The following COL11A1 variants were observed in gnomAD, a reference collection of about 807,000 sequenced individuals.
COL11A1 encodes the protein collagen type XI alpha 1 chain.
COL11A1 carries 74 observed loss-of-function variants against 265.2 expected under a neutral mutation model. That is an observed-to-expected ratio of 0.28 (90% CI 0.23 to 0.34). The LOEUF is 0.34. Among genes scored for constraint, COL11A1 ranks in the 10% least tolerant of loss-of-function variants. The probability of loss-of-function intolerance (pLI) is 1.00; values close to 1 mark genes in which losing one functional copy is unlikely to be tolerated. For missense variants in COL11A1, 2,165 were observed against 2,263.6 expected, an observed-to-expected ratio of 0.96 and a Z score of 0.88; for synonymous variants, 816 against 727.6, an observed-to-expected ratio of 1.12 and a Z score of -1.96.
At chr1:102,990,993 G>A (rs1431660217) in intron 28 of COL11A1, among the ~76,000 whole-genome samples, 4 of 151,898 alleles carry the variant, frequency 2.6e-5, no homozygotes, top group Admixed American at 6.6e-5. Flanking sequence ...AGATCACTCC[G>A]CTGCACTCCA....
At chr1:103,021,213 G>C (rs1364738463) in intron 9 of COL11A1, among the ~76,000 whole-genome samples, 1 of 151,156 alleles carries the variant, frequency 6.6e-6, no homozygotes, top group Non-Finnish European at 1.5e-5. Context: ...GATTAATTTG[G>C]AGTGAATTAG....
chr1:103,007,617 G>A (rs926958081), intron 15 of COL11A1, among the ~76,000 whole-genome samples: 7 of 151,922 alleles, frequency 4.6e-5, no homozygotes, highest in Admixed American at 1.3e-4. Context: ...TAGCACTTTC[G>A]GAGGCCCAGG....
intron 6 of COL11A1, chr1:103,025,880 T>C: frequency 6.2e-7 from 1 of 1,613,408 alleles, no homozygotes; most frequent in African/African-American, 1.3e-5. Context: ...TTGGGGGGTG[T>C]AAACTTTTTG....
At chr1:102,914,509 G>A (rs765719362) in intron 51 of COL11A1, 104 bp from the exon 52 acceptor site, 58 of 1,186,028 alleles carry the variant, frequency 4.9e-5, no homozygotes, top group Middle Eastern at 5.5e-4. Flanking sequence ...AAAACCTGCT[G>A]AGAATATTTC....
At chr1:103,076,951 TA>T (rs969866626) in intron 3 of COL11A1, among the ~76,000 whole-genome samples, 16 of 152,200 alleles carry the variant, frequency 1.1e-4, no homozygotes, top group Admixed American at 4.6e-4. Context: ...TAAATACCAA[TA>T]TTTTTGCATC....
At chr1:102,993,739 A>T (rs1396030072) in intron 28 of COL11A1, among the ~76,000 whole-genome samples, 1 of 152,116 alleles carries the variant, frequency 6.6e-6, no homozygotes. Context: ...ACGTCTCACT[A>T]CTTTGCCCAG....
chr1:103,042,701 T>G (rs997552829), intron 4 of COL11A1, among the ~76,000 whole-genome samples: 1 of 151,982 alleles, frequency 6.6e-6, no homozygotes, highest in African/African-American at 2.4e-5. Context: ...GAACTACAGC[T>G]CCTCACTGAG....
At position 102,913,626 on chromosome 1, in the gene COL11A1, C is replaced by T. The variant is rs745932911; in HGVS notation, c.4032+11G>A. 2 of 1,611,782 alleles carry T rather than the reference C, an allele frequency of 1.2e-6. No individual in the cohort carries two copies. The highest frequency in any genetic ancestry group is 1.7e-6 in the Non-Finnish European group (2 of 1,178,142). ...GTAAAAACTTAAAAATAAATTAGTG[C>T]ATTTACTCACCGGTTGACCAGGATC... is the stretch of plus-strand genomic sequence containing the variant. On this transcript the variant is annotated intron_variant, in intron 53 of 66. Transcript: ENST00000370096.
At chr1:102,934,349 C>T (rs758252231) in intron 46 of COL11A1, 100 bp downstream of exon 46, 15 of 796,098 alleles carry the variant, frequency 1.9e-5, no homozygotes, top group South Asian at 6.1e-5. Flanking sequence ...CAAGTTCTTA[C>T]GTAGAAAAAA....
At chr1:103,080,806 A>C (rs1672349832) in intron 2 of COL11A1, among the ~76,000 whole-genome samples, 1 of 151,914 alleles carries the variant, frequency 6.6e-6, no homozygotes, top group African/African-American at 2.4e-5. Context: ...ACTACTGAGT[A>C]TACATACAAA....
intron 4 of COL11A1, among the ~76,000 whole-genome samples, chr1:103,068,406 G>A (rs1344360021): frequency 4.0e-5 from 6 of 151,440 alleles, no homozygotes; most frequent in Non-Finnish European, 8.9e-5. Flanking sequence ...ACATGTTCTT[G>A]ATAACAAATA....
chr1:103,046,478 T>G (rs970607977), intron 4 of COL11A1, among the ~76,000 whole-genome samples: 1 of 151,898 alleles, frequency 6.6e-6, no homozygotes, highest in Admixed American at 6.6e-5. Context: ...TAAATTTGTT[T>G]GAGTTCATTG....
chr1:102,900,513 G>T (rs1399219566), intron 54 of COL11A1, among the ~76,000 whole-genome samples: 1 of 152,024 alleles, frequency 6.6e-6, no homozygotes, highest in African/African-American at 2.4e-5. Context: ...TTCAATGACA[G>T]TTTTTCCTTA....
intron 1 of COL11A1, among the ~76,000 whole-genome samples, chr1:103,106,616 A>G (rs1054702758): frequency 1.3e-5 from 2 of 152,246 alleles, no homozygotes; most frequent in African/African-American, 2.4e-5. Flanking sequence ...ACTCTTATCT[A>G]TCCTTGAAAA....
intron 11 of COL11A1, among the ~76,000 whole-genome samples, chr1:103,017,417 A>G (rs1666655919): frequency 1.3e-5 from 2 of 152,176 alleles, no homozygotes; most frequent in South Asian, 2.1e-4. Context: ...CACAAATGAG[A>G]TATTTCAGCA....
intron 1 of COL11A1, among the ~76,000 whole-genome samples, chr1:103,103,225 A>G (rs1188245562): frequency 6.6e-6 from 1 of 152,064 alleles, no homozygotes; most frequent in Non-Finnish European, 1.5e-5. Flanking sequence ...ATTATCTGAC[A>G]TTAATAAAAG....
intron 10 of COL11A1, among the ~76,000 whole-genome samples, chr1:103,018,387 C>T (rs1666733251): frequency 6.6e-6 from 1 of 152,114 alleles, no homozygotes; most frequent in African/African-American, 2.4e-5. Flanking sequence ...TGAGAATAAA[C>T]ACACTGAGTA....
intron 4 of COL11A1, among the ~76,000 whole-genome samples, chr1:103,061,390 T>A (rs1456194698): frequency 6.6e-6 from 1 of 151,948 alleles, no homozygotes; most frequent in African/African-American, 2.4e-5. Flanking sequence ...ACACTATTAA[T>A]CAAAAAAGAT....
rs113226085 is a variant in COL11A1 at position 102,889,383 on chromosome 1, C to CTGTG, written c.4464+68_4464+71dup. 7,836 of 799,346 alleles carry CTGTG rather than the reference C, an allele frequency of 9.8e-3. 191 individuals are homozygous for CTGTG. The highest frequency in any genetic ancestry group is 0.087 in the African/African-American group (5,112 of 58,666). The allele number at this position is 799,346 out of a possible 1,614,324, so 49.5% of individuals were successfully genotyped here. ...TCTTTCTTTGATCATACTTAAAGGACTGTGTGTGTGTGTGTGTGTGTGTGT... is the reference window on the plus strand; with the variant it reads ...TCTTTCTTTGATCATACTTAAAGGACTGTGTGTGTGTGTGTGTGTGTGTGTGTGT... On this transcript the variant is annotated intron_variant, in intron 59 of 66. Transcript: ENST00000370096.
Sources: gnomAD v4.1 joint callset for allele counts (sites outside exome capture counted in the v4.1 genomes callset) on GRCh38, gnomAD v4.1.1 for gene constraint, MANE v1.5 for transcripts, NCBI Gene and HGNC (gene_info 2026-07-23, HGNC 2026-07-21) for gene names.